The following TBXAS1 variants were observed in gnomAD, a reference collection of about 807,000 sequenced individuals.
TBXAS1 encodes thromboxane-A synthase.
A neutral mutation model predicts 60.7 loss-of-function variants in TBXAS1; 48 were observed. That is an observed-to-expected ratio of 0.79 (90% CI 0.63 to 1.01). TBXAS1 has a LOEUF of 1.01. Among genes scored for constraint, TBXAS1 ranks in the 50% least tolerant of loss-of-function variants. TBXAS1 has a pLI of 0.00. For missense variants in TBXAS1, 685 were observed against 686.3 expected (o/e 1.00, Z 0.02); for synonymous variants, 287 against 269.7 (o/e 1.06, Z -0.63).
intron 10 of TBXAS1, among the ~76,000 whole-genome samples, chr7:140,009,435 G>A (rs1003181364): frequency 6.6e-6 from 1 of 152,108 alleles, no homozygotes; most frequent in African/African-American, 2.4e-5. Context: ...TGGCACAGGT[G>A]GAACTGTAGT....
In TBXAS1 at chr7:139,945,735, A is replaced by T. The variant is rs542518719; in HGVS notation, c.451-7633A>T. 8.5e-5 allele frequency among the ~76,000 whole-genome samples: 13 copies of T among 152,294 alleles called. No homozygotes were observed. The South Asian group carries it at 2.7e-3, about 32-fold the overall frequency. On this transcript the variant is annotated intron_variant, in intron 5 of 12. Transcript: ENST00000448866. ...GCTTAAAACAAACTTTTGTTAGCTC[A>T]TTGTTTCTGTGGGTCAGGAATCCTG...
At chr7:139,875,403 AT>A (rs946664391) in intron 2 of TBXAS1, among the ~76,000 whole-genome samples, 181 bp from the exon 3 acceptor site, 21 of 152,196 alleles carry the variant, frequency 1.4e-4, no homozygotes, top group African/African-American at 2.4e-4. Context: ...TTACATGGCA[AT>A]TTTTTTTAAA....
intron 7 of TBXAS1, 24 bp from the exon 8 acceptor site, chr7:139,957,610 C>A (rs536129599): frequency 1.2e-6 from 2 of 1,613,980 alleles, no homozygotes; most frequent in Non-Finnish European, 1.7e-6. Context: ...CTTTTCAATG[C>A]CACTTTTGTT....
chr7:139,989,333 A>G (rs1585016353), intron 9 of TBXAS1, among the ~76,000 whole-genome samples: 1 of 152,224 alleles, frequency 6.6e-6, no homozygotes, highest in Non-Finnish European at 1.5e-5. Context: ...AAAGACAGGC[A>G]AGGGTCATGG....
At chr7:139,889,037 A>G (rs1288247317) in intron 3 of TBXAS1, among the ~76,000 whole-genome samples, 1 of 152,064 alleles carries the variant, frequency 6.6e-6, no homozygotes, top group African/African-American at 2.4e-5. Flanking sequence ...TTTATAGAGA[A>G]AGTGTCCTGT....
chr7:139,840,967 C>A (rs1799397597), intron 1 of TBXAS1, among the ~76,000 whole-genome samples: 1 of 152,190 alleles, frequency 6.6e-6, no homozygotes, highest in African/African-American at 2.4e-5. Flanking sequence ...GACTTCTATG[C>A]CCACTGGCGC....
At chr7:139,981,182 A>C (rs1052569747) in intron 9 of TBXAS1, among the ~76,000 whole-genome samples, 6 of 152,124 alleles carry the variant, frequency 3.9e-5, no homozygotes, top group African/African-American at 7.2e-5. Flanking sequence ...ATCTCGGCTC[A>C]CTGCAACCCC....
chr7:139,814,447 G>A (rs1176370755), intron 4 of TBXAS1, among the ~76,000 whole-genome samples: 1 of 152,204 alleles, frequency 6.6e-6, no homozygotes, highest in Non-Finnish European at 1.5e-5. Flanking sequence ...AACTGACCAA[G>A]CTTGATTGTA....
intron 2 of TBXAS1, among the ~76,000 whole-genome samples, chr7:139,781,442 G>T (rs1796984314): frequency 6.6e-6 from 1 of 152,156 alleles, no homozygotes; most frequent in Non-Finnish European, 1.5e-5. Context: ...TGGACAAGAG[G>T]GCAGAGAAGT....
intron 12 of TBXAS1, among the ~76,000 whole-genome samples, chr7:140,019,437 T>C (rs914355447): frequency 6.6e-6 from 1 of 152,152 alleles, no homozygotes; most frequent in African/African-American, 2.4e-5. Context: ...ACTCCCCGGC[T>C]TAAGAACCAG....
intron 2 of TBXAS1, among the ~76,000 whole-genome samples, chr7:139,781,502 A>G (rs1170642591): frequency 6.6e-6 from 1 of 152,192 alleles, no homozygotes; most frequent in Admixed American, 6.5e-5. Flanking sequence ...CAAGGTCAAC[A>G]GTGCTGCATG....
intron 1 of TBXAS1, among the ~76,000 whole-genome samples, chr7:139,860,924 G>C (rs1210021077): frequency 6.6e-6 from 1 of 151,996 alleles, no homozygotes; most frequent in Non-Finnish European, 1.5e-5. Context: ...CTGTAATCCC[G>C]GCACTTTGGG....
At chr7:139,926,247 T>A (rs1470167330) in intron 4 of TBXAS1, among the ~76,000 whole-genome samples, 2 of 152,242 alleles carry the variant, frequency 1.3e-5, no homozygotes, top group Non-Finnish European at 2.9e-5. Context: ...TTTAAATGTT[T>A]GATAAAATTC....
intron 11 of TBXAS1, 93 bp from the exon 12 acceptor site, chr7:140,017,578 G>A: frequency 6.5e-7 from 1 of 1,539,438 alleles, no homozygotes; most frequent in East Asian, 2.3e-5. Flanking sequence ...AGACATCCTT[G>A]TCTCAGATGC....
chr7:139,794,964 G>A (rs1459944387), intron 4 of TBXAS1, among the ~76,000 whole-genome samples: 7 of 127,686 alleles, frequency 5.5e-5, no homozygotes, highest in East Asian at 2.4e-4. Flanking sequence ...GAATAATGCC[G>A]CAATAAACAT....
intron 9 of TBXAS1, among the ~76,000 whole-genome samples, chr7:139,973,298 G>T (rs1036876040): frequency 1.4e-4 from 22 of 152,140 alleles, no homozygotes; most frequent in Admixed American, 1.2e-3. Flanking sequence ...TCCTCTGTCA[G>T]CTCATGGTAT....
At position 139,911,272 on chromosome 7, in the gene TBXAS1, T is replaced by C; in HGVS notation, c.284T>C (p.Met95Thr). The C allele has an allele frequency of 6.2e-7, 1 of 1,614,210 alleles. No homozygotes were observed. The change falls in exon 4 of 13, where the codon ATG (methionine) becomes ACG (threonine). Residue 95 changes from methionine (M) to threonine (T), a missense_variant. Physicochemically the swap from Met to Thr is moderately conservative, Grantham distance 81. Transcript: ENST00000448866. Reference sequence around the variant, plus strand: ...TTTATTGTTATTTCTGAGCCAGACATGATCAAGCAGGTGTTGGTTGAGAAC... The same window carrying C: ...TTTATTGTTATTTCTGAGCCAGACACGATCAAGCAGGTGTTGGTTGAGAAC... ...RMFIVISEPD[M>T]IKQVLVENFS...
At chr7:139,921,338 T>C (rs6464451) in intron 4 of TBXAS1, among the ~76,000 whole-genome samples, 19,628 of 152,226 alleles carry the variant, frequency 0.13, 2,295 homozygotes, top group African/African-American at 0.32. Context: ...AAACTTACAG[T>C]ATGTATCCTT....
At chr7:140,016,466 C>T (rs781240735) in intron 11 of TBXAS1, 6 of 268,012 alleles carry the variant, frequency 2.2e-5, no homozygotes, top group Non-Finnish European at 3.7e-5. Context: ...AAATGATTGT[C>T]TTCCATTCAT....
Sources: allele counts gnomAD v4.1 joint callset (sites outside exome capture counted in the v4.1 genomes callset), GRCh38; gene constraint gnomAD v4.1.1; transcripts MANE v1.5; gene names NCBI Gene and HGNC (gene_info 2026-07-23, HGNC 2026-07-21).